NRK: variants seen among roughly 807,000 people sequenced by gnomAD.
The protein encoded by NRK is Nik related kinase, also known as nik-related protein kinase.
NRK carries 67 observed loss-of-function variants against 125.2 expected under a neutral mutation model. The observed-to-expected ratio is 0.54, with a 90% confidence interval of 0.44 to 0.66. The LOEUF is 0.66. NRK is among the 30% of genes least tolerant of loss of function. The pLI, the probability that NRK is intolerant of heterozygous loss-of-function variation, is 0.00. For synonymous variants in NRK, 458 were observed against 429.0 expected, an observed-to-expected ratio of 1.07 and a Z score of -0.84; for missense variants, 1,224 against 1,192.9, an observed-to-expected ratio of 1.03 and a Z score of -0.38.
chrX:105,839,953 A>G (rs772648895), intron 2 of NRK, among the ~76,000 whole-genome samples: 4 of 111,898 alleles, frequency 3.6e-5, no homozygotes, highest in Non-Finnish European at 5.7e-5. Flanking sequence ...TTTTTCCTCA[A>G]TAAGAAAACA....
chrX:105,826,353 A>T (rs1282987765), intron 1 of NRK, among the ~76,000 whole-genome samples: 1 of 83,691 alleles, frequency 1.2e-5, no homozygotes, highest in East Asian at 3.6e-4. Flanking sequence ...TAGTATATAC[A>T]TTATATATAA....
chrX:105,924,988 G>T lies in NRK; in HGVS notation c.3269G>T (p.Gly1090Val), dbSNP rs771756606. 2.5e-6 allele frequency: 3 copies of T among 1,209,167 alleles called. No homozygotes were observed. In the African/African-American group the frequency reaches 5.2e-5, roughly 21 times the overall value. Residue 1090 changes from glycine to valine, a missense_variant, in exon 19 of 29, where the codon GGA becomes GTA. Transcript: ENST00000243300. Reference protein sequence around the residue: ...EENCSETDGPGLKRPASQDFE... With the variant: ...EENCSETDGPVLKRPASQDFE... ...AATTGCTCAGAGACAGATGGTCCAG[G>T]ATTGAAGAGACCTGCGTCTCAGGAC...
rs745723610 is a variant in NRK, at chrX:105,903,761, G to C, written c.767-1504G>C. On this transcript the variant is annotated intron_variant, in intron 9 of 28. Coordinates refer to ENST00000243300, the MANE Select transcript of NRK (RefSeq NM_198465.4). ...TTACCTAGTCTGTGTCCTAGCTCTT[G>C]ACCCCTGAAGATGTTGTCAGTGGAC... Among the ~76,000 whole-genome samples, 3 of 111,537 alleles carry C rather than the reference G, an allele frequency of 2.7e-5. No individual in the cohort carries two copies. The East Asian group carries it at 8.5e-4, about 32-fold the overall frequency.
rs1487533944 is a variant in NRK at position 105,923,150 on chromosome X, A to G, written c.2643A>G (p.Ser881=). 1 of 1,201,494 alleles carries G rather than the reference A, an allele frequency of 8.3e-7. No individual in the cohort carries two copies. Among genetic ancestry groups the G allele is most frequent in the South Asian group, 1.8e-5 (1 of 56,322 alleles). The change falls in exon 18 of 29, where the codon TCA becomes TCG. Residue 881 remains serine (S), a synonymous_variant. Transcript: ENST00000243300. ...ATGGATTTAAAGTAGGAAAAATATC[A>G]CCCCCTGTATACTTGACAAACGAAT... The part of the protein sequence containing the change: ...VPDGFKVGKI[S]PPVYLTNEWV...
intron 1 of NRK, among the ~76,000 whole-genome samples, chrX:105,824,530 A>T (rs940260266): frequency 1.2e-4 from 13 of 109,701 alleles, no homozygotes; most frequent in Non-Finnish European, 1.9e-4. Context: ...AATATGACTA[A>T]ATGGGTGAGT....
At position 105,822,577 on chromosome X, in the gene NRK, C is replaced by T. The variant is rs1358718449; in HGVS notation, c.-269C>T. The T allele has an allele frequency of 4.9e-6, 2 of 406,488 alleles. No homozygotes were observed. Among genetic ancestry groups the T allele is most frequent in the African/African-American group, 5.1e-5 (2 of 39,139 alleles). The allele number at this position is 406,488 out of a possible 1,213,427, so 33.5% of individuals were successfully genotyped here. ...TCGACACGGAGCACCCTTCTAGCTT[C>T]TTCGTCTCCAGGACTGACGCTCAGG... On this transcript the variant is annotated 5_prime_UTR_variant, in exon 1 of 29. Coordinates refer to ENST00000243300, the MANE Select transcript of NRK (RefSeq NM_198465.4).
rs1348514758 is a variant in NRK at position 105,895,636 on chromosome X, T to A, written c.580+113T>A. On this transcript the variant is annotated intron_variant, in intron 7 of 28. Coordinates refer to ENST00000243300, the MANE Select transcript of NRK (RefSeq NM_198465.4). Reference sequence around the variant, plus strand: ...GCCAATATCCTCTACTTATTTGAGCTGGGTTTTCCCTGCCTGCAAAACCAG... The same window carrying A: ...GCCAATATCCTCTACTTATTTGAGCAGGGTTTTCCCTGCCTGCAAAACCAG... 7.6e-6 allele frequency: 4 copies of A among 526,061 alleles called. No individual in the cohort carries two copies. In the East Asian group the frequency reaches 1.4e-4, roughly 19 times the overall value. 43.4% of individuals were successfully genotyped at this position (526,061 alleles called of 1,213,427 possible).
intron 17 of NRK, 129 bp downstream of exon 17, chrX:105,922,190 AG>A (rs759606319): frequency 2.7e-6 from 1 of 376,779 alleles, no homozygotes; most frequent in African/African-American, 2.5e-5. Context: ...TTTTAAGGAT[AG>A]ATTCTCATTG....
chrX:105,822,744 C>A lies in NRK; in HGVS notation c.-102C>A. On this transcript the variant is annotated 5_prime_UTR_variant, in exon 1 of 29. Transcript: ENST00000243300. ...GATCCCCAGACTCCTCTCTCCCGCC[C>A]TCCTCCTTCCTCTCTCCTCCCTTCA... The A allele has an allele frequency of 1.3e-6, 1 of 790,861 alleles. No individual in the cohort carries two copies. The highest frequency in any genetic ancestry group is 1.9e-6 in the Non-Finnish European group (1 of 528,834). The allele number at this position is 790,861 out of a possible 1,213,427, so 65.2% of individuals were successfully genotyped here. A position where few individuals can be genotyped will look rare whatever the true frequency, so the allele number is the denominator to read the frequency against.
chrX:105,900,193 CAT>C (rs1217387772), intron 8 of NRK, among the ~76,000 whole-genome samples: 1 of 105,066 alleles, frequency 9.5e-6, no homozygotes, highest in South Asian at 4.2e-4. Context: ...CACACACACA[CAT>C]ATCAGTCCTA....
At chrX:105,867,993 A>C (rs1424238256) in intron 2 of NRK, among the ~76,000 whole-genome samples, 1 of 111,547 alleles carries the variant, frequency 9.0e-6, no homozygotes, top group East Asian at 2.8e-4. Context: ...AAATTGCCAC[A>C]TTGTCTCTTG....
At chrX:105,880,473 C>T (rs1246948824) in intron 3 of NRK, among the ~76,000 whole-genome samples, 1 of 110,988 alleles carries the variant, frequency 9.0e-6, no homozygotes, top group Non-Finnish European at 1.9e-5. Context: ...ATGCTTCTTT[C>T]ACAGCAGAAG....
intron 2 of NRK, among the ~76,000 whole-genome samples, chrX:105,836,429 G>A (rs1238856613): frequency 9.0e-6 from 1 of 111,575 alleles, no homozygotes; most frequent in East Asian, 2.8e-4. Flanking sequence ...GAAGGTAGAT[G>A]CTTAAAAAAA....
intron 1 of NRK, among the ~76,000 whole-genome samples, chrX:105,823,681 A>T (rs752707791): frequency 5.7e-4 from 63 of 111,430 alleles, no homozygotes; most frequent in Non-Finnish European, 1.0e-3. Context: ...CGCCGTCGTA[A>T]TTAGTAGACT....
chrX:105,921,002 A>G lies in NRK; in HGVS notation c.2513-962A>G, dbSNP rs1204595727. On this transcript the variant is annotated intron_variant, in intron 16 of 28. Transcript: ENST00000243300. ...CTGGGTATATACCCAAAGGACTATA[A>G]ATCATGCTGCTATAAAGACACATGC... Among the ~76,000 whole-genome samples, 6 of 92,498 alleles carry G rather than the reference A, an allele frequency of 6.5e-5. No homozygotes were observed. In the East Asian group the frequency reaches 1.7e-3, roughly 26 times the overall value. 80.3% of individuals were successfully genotyped at this position (92,498 alleles called of 115,157 possible). A position where few individuals can be genotyped will look rare whatever the true frequency, so the allele number is the denominator to read the frequency against.
intron 2 of NRK, 95 bp from the exon 3 acceptor site, chrX:105,880,104 T>C (rs1052034151): frequency 2.9e-6 from 1 of 344,418 alleles, no homozygotes; most frequent in Non-Finnish European, 5.1e-6. Flanking sequence ...ATACAATGTA[T>C]TCGACACTAA....
At chrX:105,917,438 A>T in intron 15 of NRK, 140 bp from the exon 16 acceptor site, 1 of 324,727 alleles carries the variant, frequency 3.1e-6, no homozygotes. Context: ...ACTGGAAATT[A>T]TTACTCAAGT....
chrX:105,948,623 T>C, intron 26 of NRK: 1 of 492,198 alleles, frequency 2.0e-6, no homozygotes. Flanking sequence ...TATCTTTTTT[T>C]TCTGATTCAA....
intron 2 of NRK, among the ~76,000 whole-genome samples, chrX:105,870,588 A>G (rs1602625840): frequency 2.7e-5 from 3 of 111,753 alleles, no homozygotes; most frequent in African/African-American, 9.8e-5. Context: ...TTTATTGTCC[A>G]TTTTGTACAA....
Sources: allele counts gnomAD v4.1 joint callset (sites outside exome capture counted in the v4.1 genomes callset), GRCh38; gene constraint gnomAD v4.1.1; transcripts MANE v1.5; gene names NCBI Gene and HGNC (gene_info 2026-07-23, HGNC 2026-07-21).